Variants in BEGAIN observed in about 807,000 individuals in gnomAD.
The protein encoded by BEGAIN is brain enriched guanylate kinase associated, also known as brain-enriched guanylate kinase-associated protein.
BEGAIN carries 19 observed loss-of-function variants against 35.8 expected under a neutral mutation model. The observed-to-expected ratio is 0.53, with a 90% CI of 0.37 to 0.78. BEGAIN has a LOEUF of 0.78. BEGAIN is among the 30% of genes least tolerant of loss of function. The pLI, the probability that BEGAIN is intolerant of heterozygous loss-of-function variation, is 0.00. For missense variants in BEGAIN, 795 were observed against 853.6 expected (o/e 0.93, Z 0.85); for synonymous variants, 462 against 388.6 (o/e 1.19, Z -2.22).
intron 1 of BEGAIN, chr14:100,569,093 T>G (rs2139729489): frequency 2.4e-5 from 6 of 250,908 alleles, no homozygotes; most frequent in Non-Finnish European, 3.8e-5. Context: ...GGCCACCAAC[T>G]TCCCGGGTGC....
intron 1 of BEGAIN, among the ~76,000 whole-genome samples, chr14:100,570,040 C>T (rs868598099): frequency 6.6e-6 from 1 of 152,136 alleles, no homozygotes; most frequent in Non-Finnish European, 1.5e-5. Context: ...CTGGAGATCC[C>T]GCAGCTGAAG....
intron 2 of BEGAIN, among the ~76,000 whole-genome samples, chr14:100,560,453 C>T (rs78731615): frequency 0.015 from 2,215 of 152,290 alleles, 59 homozygotes; most frequent in African/African-American, 0.051. Context: ...TGGCCCTCAC[C>T]GGGGATCCCC....
At chr14:100,562,752 C>A (rs534242192) in intron 2 of BEGAIN, among the ~76,000 whole-genome samples, 3 of 152,194 alleles carry the variant, frequency 2.0e-5, no homozygotes, top group African/African-American at 7.2e-5. Flanking sequence ...CCCTGAGCCA[C>A]GCTGTACAGG....
intron 3 of BEGAIN, 37 bp from the exon 4 acceptor site, chr14:100,545,103 G>A (rs761788351): frequency 1.9e-6 from 3 of 1,612,028 alleles, no homozygotes; most frequent in Non-Finnish European, 2.5e-6. Flanking sequence ...GCCATGCAAG[G>A]CCTGTCCCTC....
In BEGAIN at chr14:100,538,580, C is replaced by T; in HGVS notation, c.1228G>A (p.Ala410Thr). The T allele has an allele frequency of 6.5e-7, 1 of 1,546,630 alleles. No individual in the cohort carries two copies. Residue 410 changes from alanine (A) to threonine (T), a missense_variant, in exon 7 of 7, where the codon GCC (alanine) becomes ACC (threonine). Around this residue, in one of 3 missense-constraint regions of BEGAIN, gnomAD observed 664 missense variants for 647.7 expected, o/e 1.03. Transcript: ENST00000554140. The part of the protein sequence containing the change: ...RFPASPGPQQ[A>T]LMPPNLWSLR... The stretch of plus-strand genomic sequence containing the variant: ...CTCCACAGGTTTGGGGGCATCAGGG[C>T]CTGCTGGGGACCCGGAGAGGCCGGG...
rs1204722747 is a variant in BEGAIN at position 100,573,946 on chromosome 14, G to A, written c.43-6007C>T. The stretch of plus-strand genomic sequence containing the variant: ...CGGCCAAGGAGACTGGGAAAGGGTG[G>A]GTGGGAGGTGGGAGGAGAGTCTGCA... On this transcript the variant is annotated intron_variant, in intron 1 of 6. Coordinates refer to ENST00000554140, the MANE Select transcript of BEGAIN (RefSeq NM_001385089.1). This position sits in a 1 kb window ranked among gnomAD's most constrained non-coding sequence, Gnocchi z 4.2. Among the ~76,000 whole-genome samples the A allele has an allele frequency of 6.6e-6, 1 of 152,018 alleles. No homozygotes were observed. The highest frequency in any genetic ancestry group is 1.5e-5 in the Non-Finnish European group (1 of 67,972).
chr14:100,568,521 G>A lies in BEGAIN; in HGVS notation c.43-582C>T. On this transcript the variant is annotated intron_variant, in intron 1 of 6. Transcript: ENST00000554140. This position sits in a 1 kb window ranked among gnomAD's most constrained non-coding sequence, Gnocchi z 7.5. Reference sequence around the variant, plus strand: ...GCTGCCCTCAGATTCTGGGGTTTTGGGCCTGGCTTGCCCCTCCCGGGCCCC... The same window carrying A: ...GCTGCCCTCAGATTCTGGGGTTTTGAGCCTGGCTTGCCCCTCCCGGGCCCC... 2 of 1,286,730 alleles carry A rather than the reference G, an allele frequency of 1.6e-6. No individual in the cohort carries two copies. The highest frequency in any genetic ancestry group is 5.6e-5 in the East Asian group (1 of 17,864). The allele number at this position is 1,286,730 out of a possible 1,614,324, so 79.7% of individuals were successfully genotyped here. A position where few individuals can be genotyped will look rare whatever the true frequency, so the allele number is the denominator to read the frequency against.
At chr14:100,576,610 G>A (rs947554930) in intron 1 of BEGAIN, among the ~76,000 whole-genome samples, 7 of 152,116 alleles carry the variant, frequency 4.6e-5, no homozygotes, top group African/African-American at 1.7e-4. Context: ...GGTGGAACTG[G>A]GGCACGAGCA....
chr14:100,582,435 G>A (rs1475008560), intron 1 of BEGAIN, among the ~76,000 whole-genome samples: 1 of 152,158 alleles, frequency 6.6e-6, no homozygotes, highest in Admixed American at 6.5e-5. Context: ...GAGCCACCGC[G>A]CCCAGTCAGA....
At position 100,568,366 on chromosome 14, in the gene BEGAIN, C is replaced by T. The variant is rs929865030; in HGVS notation, c.43-427G>A. ...GCGCTCCCTCCCGGAGGAAGCCGAA[C>T]CCCGGAATCGCAGAACCTCCGAGTC... On this transcript the variant is annotated intron_variant, in intron 1 of 6. Coordinates refer to ENST00000554140, the MANE Select transcript of BEGAIN (RefSeq NM_001385089.1). The surrounding 1 kb of genome is among the most constrained non-coding windows in gnomAD (Gnocchi z 7.5). 16 of 1,151,972 alleles carry T rather than the reference C, an allele frequency of 1.4e-5. No homozygotes were observed. The highest frequency in any genetic ancestry group is 3.2e-5 in the African/African-American group (2 of 62,292). 71.4% of individuals were successfully genotyped at this position (1,151,972 alleles called of 1,614,324 possible).
chr14:100,562,167 A>C (rs1595136513), intron 2 of BEGAIN, among the ~76,000 whole-genome samples: 1 of 152,074 alleles, frequency 6.6e-6, no homozygotes, highest in African/African-American at 2.4e-5. Context: ...TGGAGGAGAC[A>C]AGAGATGGAG....
intron 3 of BEGAIN, 129 bp downstream of exon 3, chr14:100,546,372 C>CG: frequency 6.9e-6 from 1 of 145,322 alleles, no homozygotes; most frequent in Non-Finnish European, 1.4e-5. Flanking sequence ...GCCCTCGCCC[C>CG]GCCCCGGCCC....
rs773033317 is a variant in BEGAIN at position 100,539,142 on chromosome 14, G to A, written c.666C>T (p.Ser222=). ...CGTCGCAGAAGGCCAGGTCGCGGGC[G>A]GAGGCATCGGACAGGCGGGAGGACA... The part of the protein sequence containing the change: ...ASLSSRLSDA[S]ARDLAFCDGV... Residue 222 remains serine (S), a synonymous_variant, in exon 7 of 7, where the codon TCC becomes TCT. Coordinates refer to ENST00000554140, the MANE Select transcript of BEGAIN (RefSeq NM_001385089.1). 18 of 1,602,548 alleles carry A rather than the reference G, an allele frequency of 1.1e-5. No homozygotes were observed. Among genetic ancestry groups the A allele is most frequent in the Middle Eastern group, 1.7e-4 (1 of 6,014 alleles).
intron 2 of BEGAIN, 118 bp from the exon 3 acceptor site, chr14:100,546,780 G>GCGCA (rs1236007070): frequency 6.0e-4 from 207 of 343,812 alleles, no homozygotes; most frequent in Admixed American, 4.8e-3. Flanking sequence ...GCGCGCGCGC[G>GCGCA]CACACACACA....
At chr14:100,539,420 G>C in intron 6 of BEGAIN, 105 bp from the exon 7 acceptor site, 2 of 1,467,846 alleles carry the variant, frequency 1.4e-6, no homozygotes, top group Non-Finnish European at 1.8e-6. Context: ...ATGACCGACA[G>C]GCAGACAGAC....
At chr14:100,545,490 G>A (rs1344387667) in intron 3 of BEGAIN, 3 of 942,522 alleles carry the variant, frequency 3.2e-6, no homozygotes, top group Non-Finnish European at 3.8e-6. Flanking sequence ...GCCCCAGGGT[G>A]AGGCTGGAGA....
intron 5 of BEGAIN, among the ~76,000 whole-genome samples, chr14:100,542,861 C>A (rs532924307): frequency 6.6e-6 from 1 of 152,358 alleles, no homozygotes; most frequent in South Asian, 2.1e-4. Context: ...CACGTGCAAT[C>A]ACGTTGCTCC....
At chr14:100,540,192 G>A (rs1018867070) in intron 6 of BEGAIN, 9 of 407,074 alleles carry the variant, frequency 2.2e-5, no homozygotes, top group African/African-American at 4.0e-5. Flanking sequence ...TCACTCTGCC[G>A]TGTCAGCGCT....
At position 100,545,085 on chromosome 14, in the gene BEGAIN, G is replaced by C. The variant is rs2032194929; in HGVS notation, c.234-19C>G. The C allele has an allele frequency of 6.2e-7, 1 of 1,612,928 alleles. No individual in the cohort carries two copies. Among genetic ancestry groups the C allele is most frequent in the Non-Finnish European group, 8.5e-7 (1 of 1,179,954 alleles). ...CTGAATCCTGGTGCAGGAGGCAAGG[G>C]GGTCACTGCCATGCAAGGCCTGTCC... On this transcript the variant is annotated intron_variant, in intron 3 of 6. Transcript: ENST00000554140.
Sources: gnomAD v4.1 joint callset for allele counts (sites outside exome capture counted in the v4.1 genomes callset) on GRCh38, gnomAD v4.1.1 for gene constraint, gnomAD v4.1.1 regional missense constraint, Gnocchi (gnomAD v3.1) non-coding constraint, MANE v1.5 for transcripts, NCBI Gene and HGNC (gene_info 2026-07-23, HGNC 2026-07-21) for gene names.